The following MCM3 variants were observed in gnomAD, a reference collection of about 807,000 sequenced individuals.
MCM3 encodes the protein minichromosome maintenance complex component 3, also known as DNA replication licensing factor MCM3.
In MCM3, 59 loss-of-function variants were observed where a neutral mutation model predicts 91.3. That is an observed-to-expected ratio of 0.65 (90% CI 0.52 to 0.80). MCM3 has a LOEUF of 0.80. Ranked by LOEUF, MCM3 falls within the 30% of genes least tolerant of loss-of-function variation. The pLI, the probability that MCM3 is intolerant of heterozygous loss-of-function variation, is 0.00. For missense variants in MCM3, 919 were observed against 1,035.4 expected, an observed-to-expected ratio of 0.89 and a Z score of 1.54; for synonymous variants, 383 against 379.6, an observed-to-expected ratio of 1.01 and a Z score of -0.10.
rs769397226 is a variant in MCM3 at position 52,272,265 on chromosome 6, A to G, written c.1827+36T>C. Reference sequence around the variant, plus strand: ...GGGACTCCTGCCCAGCCATATACCTAAGGGACCCCAAGCCTAGGCTCCCCC... The same window carrying G: ...GGGACTCCTGCCCAGCCATATACCTGAGGGACCCCAAGCCTAGGCTCCCCC... On this transcript the variant is annotated intron_variant, in intron 12 of 16. Transcript: ENST00000596288. The G allele has an allele frequency of 1.9e-6, 3 of 1,605,984 alleles. No individual in the cohort carries two copies. The Admixed American group carries it at 5.0e-5, about 27-fold the overall frequency.
rs192130266 is a variant in MCM3, at chr6:52,276,195, A to G, written c.1374+73T>C. 81 of 1,377,632 alleles carry G rather than the reference A, an allele frequency of 5.9e-5. No individual in the cohort carries two copies. The East Asian group carries it at 2.0e-3, about 34-fold the overall frequency. The allele number at this position is 1,377,632 out of a possible 1,614,324, so 85.3% of individuals were successfully genotyped here. A position where few individuals can be genotyped will look rare whatever the true frequency, so the allele number is the denominator to read the frequency against. On this transcript the variant is annotated intron_variant, in intron 9 of 16. Coordinates refer to ENST00000596288, the MANE Select transcript of MCM3 (RefSeq NM_002388.6). ...ATTATTCCCCTGGGTCACCTAGAAT[A>G]CACTTCTCAGCCCAGTTAGTCAGCA...
chr6:52,275,255 C>G (rs1163975769), intron 9 of MCM3, among the ~76,000 whole-genome samples: 1 of 152,196 alleles, frequency 6.6e-6, no homozygotes, highest in Admixed American at 6.5e-5. Context: ...TTCCCATACA[C>G]TGTGGGATTG....
intron 4 of MCM3, 35 bp from the exon 5 acceptor site, chr6:52,279,634 C>A: frequency 6.7e-7 from 1 of 1,491,050 alleles, no homozygotes; most frequent in South Asian, 1.2e-5. Flanking sequence ...AGAGTGATCT[C>A]CGTCCTGTCT....
intron 2 of MCM3, 88 bp from the exon 3 acceptor site, chr6:52,282,949 A>G (rs1766258367): frequency 1.1e-6 from 1 of 926,824 alleles, no homozygotes; most frequent in Non-Finnish European, 1.7e-6. Context: ...TAGATCATTA[A>G]AAACAATGAG....
intron 12 of MCM3, among the ~76,000 whole-genome samples, chr6:52,270,293 C>T (rs1326944245): frequency 1.4e-5 from 2 of 146,460 alleles, no homozygotes; most frequent in Admixed American, 1.4e-4. Flanking sequence ...CATGCCACTG[C>T]ACTCCAGCCT....
At chr6:52,282,292 C>A in intron 3 of MCM3, 117 bp from the exon 4 acceptor site, 2 of 897,560 alleles carry the variant, frequency 2.2e-6, no homozygotes, top group Non-Finnish European at 1.8e-6. Context: ...GACTAGGTTA[C>A]GATATTTCAA....
Position 52,271,960 on chromosome 6 carries a change from C to A in MCM3, c.1827+341G>T, listed in dbSNP as rs560728268. ...TTTCTATCTACCTTTGTGCTTCCCC[C>A]GCTCCGGATCTGAGCTCTTTGAAAA... On this transcript the variant is annotated intron_variant, in intron 12 of 16. Transcript: ENST00000596288. 1.3e-5 allele frequency among the ~76,000 whole-genome samples: 2 copies of A among 152,158 alleles called. 1 individual carries two copies. The highest frequency in any genetic ancestry group is 2.9e-5 in the Non-Finnish European group (2 of 68,038).
chr6:52,278,690 A>G, intron 6 of MCM3, 52 bp downstream of exon 6: 1 of 1,293,934 alleles, frequency 7.7e-7, no homozygotes, highest in Non-Finnish European at 1.1e-6. Context: ...GCACCAAAAC[A>G]CAACTCTTAG....
intron 1 of MCM3, among the ~76,000 whole-genome samples, chr6:52,283,919 TTTTCA>T (rs17239804): frequency 0.011 from 1,631 of 152,310 alleles, 41 homozygotes; most frequent in African/African-American, 0.036. Flanking sequence ...TTAAAATGGC[TTTTCA>T]TTTAAGAATT....
rs550913897 is a variant in MCM3 at position 52,269,726 on chromosome 6, C to A, written c.1828-500G>T. On this transcript the variant is annotated intron_variant, in intron 12 of 16. Coordinates refer to ENST00000596288, the MANE Select transcript of MCM3 (RefSeq NM_002388.6). ...AAAACGTAACTTCAGTAAACTCAGT[C>A]CGGAGAAGGAGAACTCTGACACATT... Among the ~76,000 whole-genome samples, 17 of 152,288 alleles carry A rather than the reference C, an allele frequency of 1.1e-4. No individual in the cohort carries two copies. The South Asian group carries it at 2.3e-3, about 20-fold the overall frequency.
At chr6:52,277,717 T>C in intron 6 of MCM3, 29 bp from the exon 7 acceptor site, 1 of 1,608,380 alleles carries the variant, frequency 6.2e-7, no homozygotes, top group Non-Finnish European at 8.5e-7. Flanking sequence ...ATGGCAAGCC[T>C]AGTGAGATTC....
intron 13 of MCM3, 21 bp from the exon 14 acceptor site, chr6:52,267,989 G>T (rs1208055003): frequency 6.2e-7 from 1 of 1,613,928 alleles, no homozygotes; most frequent in Non-Finnish European, 8.5e-7. Flanking sequence ...GGCAAGTGTG[G>T]CTGGGCTAGA....
Position 52,264,504 on chromosome 6 carries a change from G to A in MCM3, c.*84C>T. ...TGAATTCAACACTGTTAAGGGAGTA[G>A]AGGCAAAGACTTGGGTCAGGGAGAG... On this transcript the variant is annotated 3_prime_UTR_variant, in exon 17 of 17. Transcript: ENST00000596288. 7.0e-7 allele frequency: 1 copy of A among 1,435,170 alleles called. No homozygotes were observed. Among genetic ancestry groups the A allele is most frequent in the East Asian group, 2.3e-5 (1 of 43,896 alleles). 88.9% of individuals were successfully genotyped at this position (1,435,170 alleles called of 1,614,324 possible).
Position 52,264,417 on chromosome 6 carries a change from A to AT in MCM3, c.*170dup, listed in dbSNP as rs1449803088. 33 of 661,600 alleles carry AT rather than the reference A, an allele frequency of 5.0e-5. No homozygotes were observed. The highest frequency in any genetic ancestry group is 7.9e-5 in the Non-Finnish European group (31 of 390,280). 41.0% of individuals were successfully genotyped at this position (661,600 alleles called of 1,614,324 possible). A position where few individuals can be genotyped will look rare whatever the true frequency, so the allele number is the denominator to read the frequency against. Reference sequence around the variant, plus strand: ...CACCCCATGGCAGCTTTCATGACCCATTCCCAAAGGGTCCACCGAGTCCTG... The same window carrying AT: ...CACCCCATGGCAGCTTTCATGACCCATTTCCCAAAGGGTCCACCGAGTCCTG... On this transcript the variant is annotated 3_prime_UTR_variant, in exon 17 of 17. Transcript: ENST00000596288.
intron 4 of MCM3, among the ~76,000 whole-genome samples, chr6:52,281,266 A>G (rs910271824): frequency 6.6e-6 from 1 of 152,234 alleles, no homozygotes; most frequent in African/African-American, 2.4e-5. Flanking sequence ...TTATTTTTCT[A>G]CTTTTTAAAA....
chr6:52,273,612 T>C, intron 10 of MCM3, 130 bp downstream of exon 10: 2 of 970,918 alleles, frequency 2.1e-6, no homozygotes, highest in African/African-American at 1.6e-5. Flanking sequence ...GGGAGGTGGC[T>C]AAACAGTTGA....
Position 52,277,194 on chromosome 6 carries a change from G to T in MCM3, c.1038C>A (p.Asp346Glu), listed in dbSNP as rs757687038. 1 of 1,612,698 alleles carries T rather than the reference G, an allele frequency of 6.2e-7. No individual in the cohort carries two copies. The highest frequency in any genetic ancestry group is 8.5e-7 in the Non-Finnish European group (1 of 1,179,720). The change falls in exon 8 of 17, where the codon GAC becomes GAA. Residue 346 changes from aspartate to glutamate, a missense_variant. Asp to Glu is a conservative substitution (Grantham distance 45). Around this residue, in one of 3 missense-constraint regions of MCM3, gnomAD observed 233 missense variants for 321.2 expected, o/e 0.73. Coordinates refer to ENST00000596288, the MANE Select transcript of MCM3 (RefSeq NM_002388.6). ...GAAGCTGAGACTTGGCAACGGATGG[G>T]TCTCCTGTAGGGTGGGGGCAGTGAT... The part of the protein sequence containing the change: ...RGDINILLIG[D>E]PSVAKSQLLR...
At chr6:52,283,957 CA>C (rs1348466341) in intron 1 of MCM3, among the ~76,000 whole-genome samples, 2 of 151,968 alleles carry the variant, frequency 1.3e-5, no homozygotes, top group Non-Finnish European at 2.9e-5. Context: ...ATATTTTTTC[CA>C]ATCATCTCTA....
intron 12 of MCM3, among the ~76,000 whole-genome samples, chr6:52,271,514 T>A (rs1765126111): frequency 6.6e-6 from 1 of 152,066 alleles, no homozygotes; most frequent in African/African-American, 2.4e-5. Context: ...TAGTGGTGCA[T>A]GCCTGTAATC....
Sources: gnomAD v4.1 joint callset for allele counts (sites outside exome capture counted in the v4.1 genomes callset) on GRCh38, gnomAD v4.1.1 for gene constraint, gnomAD v4.1.1 regional missense constraint, MANE v1.5 for transcripts, NCBI Gene and HGNC (gene_info 2026-07-23, HGNC 2026-07-21) for gene names.